MLF1: variants seen among roughly 807,000 people sequenced by gnomAD.
MLF1 encodes the protein myelodysplasia-myeloid leukemia factor 1.
MLF1 carries 37 observed loss-of-function variants against 38.3 expected under a neutral mutation model. The ratio of observed to expected loss-of-function variants is 0.96; its 90% confidence interval spans 0.74 to 1.27. The LOEUF is 1.27. MLF1 is among the 50% of genes most tolerant of loss of function. The pLI is 0.00. For missense variants in MLF1, 331 were observed against 349.2 expected, an observed-to-expected ratio of 0.95 and a Z score of 0.42; for synonymous variants, 95 against 106.5, an observed-to-expected ratio of 0.89 and a Z score of 0.66.
intron 1 of MLF1, among the ~76,000 whole-genome samples, chr3:158,584,667 G>GTGGT (rs1716934151): frequency 7.7e-6 from 1 of 129,618 alleles, no homozygotes; most frequent in African/African-American, 2.9e-5. Flanking sequence ...AAGTGTGTGT[G>GTGGT]TGTGTGTGTG....
At chr3:158,600,245 T>C in intron 6 of MLF1, 72 bp downstream of exon 6, 1 of 898,100 alleles carries the variant, frequency 1.1e-6, no homozygotes, top group South Asian at 4.3e-5. Flanking sequence ...TGAATTTTTT[T>C]TTAGAAACAT....
intron 3 of MLF1, among the ~76,000 whole-genome samples, chr3:158,595,766 C>T (rs1383252546): frequency 6.6e-6 from 1 of 151,956 alleles, no homozygotes; most frequent in Non-Finnish European, 1.5e-5. Flanking sequence ...TGTAAAAATC[C>T]AATAGCAATA....
At chr3:158,600,527 A>G (rs1560111825) in intron 6 of MLF1, among the ~76,000 whole-genome samples, 2 of 145,830 alleles carry the variant, frequency 1.4e-5, no homozygotes, top group Non-Finnish European at 3.0e-5. Flanking sequence ...CATAATCCAA[A>G]CTCAAAATAC....
intron 1 of MLF1, among the ~76,000 whole-genome samples, chr3:158,589,256 G>A (rs1415362988): frequency 6.6e-6 from 1 of 151,852 alleles, no homozygotes; most frequent in Non-Finnish European, 1.5e-5. Flanking sequence ...CTATTGCCTA[G>A]GCTGGAGTGC....
chr3:158,602,646 C>G (rs1466562383), intron 6 of MLF1, among the ~76,000 whole-genome samples, 161 bp from the exon 7 acceptor site: 1 of 152,160 alleles, frequency 6.6e-6, no homozygotes, highest in African/African-American at 2.4e-5. Context: ...AAAACAAATA[C>G]TACTTTTGTC....
intron 1 of MLF1, among the ~76,000 whole-genome samples, chr3:158,575,536 T>G (rs1715295822): frequency 6.6e-6 from 1 of 152,142 alleles, no homozygotes; most frequent in South Asian, 2.1e-4. Context: ...TTTCTTAAGT[T>G]AAACATAAAG....
chr3:158,581,058 G>A (rs1211389501), intron 1 of MLF1, among the ~76,000 whole-genome samples: 1 of 152,126 alleles, frequency 6.6e-6, no homozygotes, highest in Non-Finnish European at 1.5e-5. Context: ...GCAGAGAATC[G>A]AGGTCACAGG....
chr3:158,579,343 T>G (rs1427360150), intron 1 of MLF1, among the ~76,000 whole-genome samples: 3 of 152,280 alleles, frequency 2.0e-5, no homozygotes, highest in Non-Finnish European at 4.4e-5. Flanking sequence ...CATTAAAGCC[T>G]TATCTCCAAG....
chr3:158,585,614 A>T (rs1253823748), intron 1 of MLF1, among the ~76,000 whole-genome samples: 1 of 152,186 alleles, frequency 6.6e-6, no homozygotes, highest in Non-Finnish European at 1.5e-5. Context: ...CAGAAATTAA[A>T]TTTTTTTAGA....
At chr3:158,591,591 G>T (rs1256579296) in intron 1 of MLF1, among the ~76,000 whole-genome samples, 1 of 152,156 alleles carries the variant, frequency 6.6e-6, no homozygotes, top group African/African-American at 2.4e-5. Context: ...ATTGGAGAGG[G>T]AGTTCCACTG....
At chr3:158,587,652 T>G (rs1334763674) in intron 1 of MLF1, among the ~76,000 whole-genome samples, 3 of 152,326 alleles carry the variant, frequency 2.0e-5, no homozygotes, top group Middle Eastern at 3.4e-3. Flanking sequence ...TTGTTTCTAA[T>G]AAACAGAATA....
intron 4 of MLF1, 106 bp downstream of exon 4, chr3:158,597,051 C>T: frequency 4.8e-6 from 3 of 628,666 alleles, no homozygotes. Context: ...AAAAAAGATA[C>T]CTTACATGAT....
intron 5 of MLF1, 32 bp downstream of exon 5, chr3:158,598,240 A>G (rs753387165): frequency 2.5e-6 from 4 of 1,601,720 alleles, no homozygotes; most frequent in African/African-American, 1.4e-5. Flanking sequence ...CTAAAGTTTT[A>G]TAAAGTTAGG....
At chr3:158,594,954 G>A (rs934526333) in intron 3 of MLF1, among the ~76,000 whole-genome samples, 2 of 152,054 alleles carry the variant, frequency 1.3e-5, no homozygotes, top group Non-Finnish European at 2.9e-5. Context: ...GATTTGAGCT[G>A]AGCTAGAGAT....
chr3:158,592,071 A>G (rs955542370), intron 1 of MLF1, among the ~76,000 whole-genome samples: 2 of 152,234 alleles, frequency 1.3e-5, no homozygotes, highest in Admixed American at 6.5e-5. Flanking sequence ...ATCATCTAAC[A>G]TAAAGCCTAC....
intron 1 of MLF1, 57 bp downstream of exon 1, chr3:158,571,404 G>A: frequency 5.0e-6 from 8 of 1,609,662 alleles, no homozygotes; most frequent in Non-Finnish European, 6.8e-6. Context: ...ATCGAGGGGA[G>A]CTATTTTAAG....
rs966476896 is a variant in MLF1 at position 158,605,587 on chromosome 3, C to A, written c.*385C>A. ...TAAGAAATTATAATGTTAAAAAAGT[C>A]TCAGTTTTTACTAACACTGTACTAG... On this transcript the variant is annotated 3_prime_UTR_variant, in exon 8 of 8. Coordinates refer to ENST00000466246, the MANE Select transcript of MLF1 (RefSeq NM_001369783.1). The A allele has an allele frequency of 2.5e-5, 5 of 197,288 alleles. No individual in the cohort carries two copies. The East Asian group carries it at 4.1e-4, about 16-fold the overall frequency. 12.2% of individuals were successfully genotyped at this position (197,288 alleles called of 1,614,324 possible).
Position 158,596,917 on chromosome 3 carries a change from A to G in MLF1, c.296A>G (p.Asn99Ser), listed in dbSNP as rs1348054511. 6.2e-7 allele frequency: 1 copy of G among 1,608,882 alleles called. No individual in the cohort carries two copies. The highest frequency in any genetic ancestry group is 8.5e-7 in the Non-Finnish European group (1 of 1,176,680). ...GACCAAATGGTGTCAAATATGAGAA[A>G]CTATATGCAGAAATTAGAAAGAAAC... ...TMDQMVSNMR[N>S]YMQKLERNFG... The change falls in exon 4 of 8, where the codon AAC becomes AGC. Residue 99 changes from asparagine to serine, a missense_variant. By Grantham distance (46) the Asn-to-Ser change is conservative (BLOSUM62 1). Transcript: ENST00000466246.
chr3:158,590,759 G>A (rs1717996894), intron 1 of MLF1: 1 of 456,006 alleles, frequency 2.2e-6, no homozygotes, highest in African/African-American at 2.0e-5. Context: ...AGACGAGGAA[G>A]CTTTTTGGAA....
Sources: gnomAD v4.1 joint callset for allele counts (sites outside exome capture counted in the v4.1 genomes callset) on GRCh38, gnomAD v4.1.1 for gene constraint, MANE v1.5 for transcripts, NCBI Gene and HGNC (gene_info 2026-07-23, HGNC 2026-07-21) for gene names.